FIP1L1: variants seen among roughly 807,000 people sequenced by gnomAD.
FIP1L1 encodes the protein pre-mRNA 3'-end-processing factor FIP1.
In FIP1L1, 21 loss-of-function variants were observed where a neutral mutation model predicts 84.6. That is an observed-to-expected ratio of 0.25 (90% CI 0.18 to 0.36). The LOEUF (loss-of-function observed/expected upper bound fraction) is 0.36. Ranked by LOEUF, FIP1L1 falls within the 10% of genes least tolerant of loss-of-function variation. The probability of loss-of-function intolerance (pLI) is 1.00; values close to 1 mark genes in which losing one functional copy is unlikely to be tolerated. For missense variants in FIP1L1, 526 were observed against 751.1 expected, an observed-to-expected ratio of 0.70 and a Z score of 3.50; for synonymous variants, 263 against 242.3, an observed-to-expected ratio of 1.09 and a Z score of -0.80.
chr4:53,378,578 G>A (rs1293447192), intron 1 of FIP1L1: 1 of 153,518 alleles, frequency 6.5e-6, no homozygotes, highest in Non-Finnish European at 1.4e-5. Context: ...CATCATGGAG[G>A]TATCTCATGA....
chr4:53,406,495 C>A (rs1285878631), intron 10 of FIP1L1, among the ~76,000 whole-genome samples: 1 of 152,166 alleles, frequency 6.6e-6, no homozygotes, highest in Non-Finnish European at 1.5e-5. Context: ...CTCTACCCGG[C>A]TTTGGTATCA....
chr4:53,427,351 C>A (rs1479402680), intron 12 of FIP1L1, among the ~76,000 whole-genome samples: 1 of 152,132 alleles, frequency 6.6e-6, no homozygotes, highest in African/African-American at 2.4e-5. Context: ...TGCCACTTTG[C>A]TTGTTTTATT....
intron 13 of FIP1L1, among the ~76,000 whole-genome samples, chr4:53,436,086 A>G (rs894095376): frequency 6.6e-6 from 1 of 152,194 alleles, no homozygotes; most frequent in African/African-American, 2.4e-5. Flanking sequence ...CGTAGTTTAC[A>G]TATTCTGCCA....
rs1309954935 is a variant in FIP1L1 at position 53,459,793 on chromosome 4, A to AATC, written c.*346_*348dup. On this transcript the variant is annotated 3_prime_UTR_variant, in exon 18 of 18. Coordinates refer to ENST00000337488, the MANE Select transcript of FIP1L1 (RefSeq NM_030917.4). ...CCACTTGGGCCACAGTTTTTTTGTTAATCAAACACCACTCTCTTAAGAGGC... is the reference window on the plus strand; with the variant it reads ...CCACTTGGGCCACAGTTTTTTTGTTAATCATCAAACACCACTCTCTTAAGAGGC... 5 of 318,468 alleles carry AATC rather than the reference A, an allele frequency of 1.6e-5. No individual in the cohort carries two copies. The highest frequency in any genetic ancestry group is 2.9e-5 in the Non-Finnish European group (5 of 170,510). 19.7% of individuals were successfully genotyped at this position (318,468 alleles called of 1,614,324 possible). A position where few individuals can be genotyped will look rare whatever the true frequency, so the allele number is the denominator to read the frequency against.
At chr4:53,381,293 G>C (rs1267721579) in intron 3 of FIP1L1, among the ~76,000 whole-genome samples, 5 of 152,160 alleles carry the variant, frequency 3.3e-5, no homozygotes, top group Admixed American at 6.5e-5. Flanking sequence ...CAAAGTTCCT[G>C]CTATTAGAAT....
At chr4:53,385,054 G>A (rs556207045) in intron 5 of FIP1L1, among the ~76,000 whole-genome samples, 2 of 152,120 alleles carry the variant, frequency 1.3e-5, no homozygotes, top group African/African-American at 4.8e-5. Context: ...CACCTTTTTA[G>A]GGAACAGAGT....
Position 53,459,526 on chromosome 4 carries a change from T to TAA in FIP1L1, c.*78_*79dup. On this transcript the variant is annotated 3_prime_UTR_variant, in exon 18 of 18. Coordinates refer to ENST00000337488, the MANE Select transcript of FIP1L1 (RefSeq NM_030917.4). Reference sequence around the variant, plus strand: ...TCTTGTTATTTTTCTGGATAATGTTTAAGAAATTTACCTTAAATCTTGTTC... The same window carrying TAA: ...TCTTGTTATTTTTCTGGATAATGTTTAAAAGAAATTTACCTTAAATCTTGTTC... 6.3e-7 allele frequency: 1 copy of TAA among 1,585,634 alleles called. No homozygotes were observed. The highest frequency in any genetic ancestry group is 2.2e-5 in the East Asian group (1 of 44,748).
chr4:53,400,413 C>T (rs1438558390), intron 10 of FIP1L1, among the ~76,000 whole-genome samples: 1 of 152,104 alleles, frequency 6.6e-6, no homozygotes, highest in East Asian at 1.9e-4. Flanking sequence ...CCTATTATGC[C>T]ATTACCAGGA....
At chr4:53,394,130 T>C (rs1169334773) in intron 9 of FIP1L1, among the ~76,000 whole-genome samples, 1 of 152,154 alleles carries the variant, frequency 6.6e-6, no homozygotes, top group Non-Finnish European at 1.5e-5. Flanking sequence ...TAGCATCTTA[T>C]TATTCATGCC....
Position 53,419,292 on chromosome 4 carries a change from C to A in FIP1L1, c.923+4570C>A, listed in dbSNP as rs373952223. On this transcript the variant is annotated intron_variant, in intron 11 of 17. Transcript: ENST00000337488. ...AAAATTGACATTTAAAAAATTCAGA[C>A]CCCAGAAAATTAGTATGATAAACAC... 3.9e-5 allele frequency among the ~76,000 whole-genome samples: 6 copies of A among 152,050 alleles called. No individual in the cohort carries two copies. In the East Asian group the frequency reaches 7.7e-4, roughly 20 times the overall value.
intron 11 of FIP1L1, among the ~76,000 whole-genome samples, chr4:53,423,544 T>C (rs1432413435): frequency 1.3e-5 from 2 of 152,254 alleles, no homozygotes; most frequent in Non-Finnish European, 2.9e-5. Flanking sequence ...TTTTAAATTA[T>C]TTGTCAGTGT....
At chr4:53,457,457 GATTCTAAAATTTTA>G (rs1719853453) in intron 16 of FIP1L1, among the ~76,000 whole-genome samples, 1 of 152,028 alleles carries the variant, frequency 6.6e-6, no homozygotes, top group African/African-American at 2.4e-5. Context: ...TTTTAAATAA[GATTCTAAAATTTTA>G]ATGTATCACA....
In FIP1L1 at chr4:53,453,120, A is replaced by T; in HGVS notation, c.1486A>T (p.Ser496Cys). The stretch of plus-strand genomic sequence containing the variant: ...GGAGCGTGATCACAGTCCTACACCA[A>T]GTGTTTTCAACAGGTTTGTTGGGTG... ...ERERDHSPTP[S>C]VFNSDEERYR... Residue 496 changes from serine to cysteine, a missense_variant, in exon 16 of 18, where the codon AGT (serine) becomes TGT (cysteine). Ser to Cys is a moderately radical substitution (Grantham distance 112). Coordinates refer to ENST00000337488, the MANE Select transcript of FIP1L1 (RefSeq NM_030917.4). The T allele has an allele frequency of 6.2e-7, 1 of 1,614,022 alleles. No individual in the cohort carries two copies. The highest frequency in any genetic ancestry group is 8.5e-7 in the Non-Finnish European group (1 of 1,179,958).
At chr4:53,413,547 G>A (rs1234506516) in intron 10 of FIP1L1, among the ~76,000 whole-genome samples, 2 of 151,286 alleles carry the variant, frequency 1.3e-5, no homozygotes, top group African/African-American at 2.4e-5. Context: ...CAATGAGAAC[G>A]TGGCTCCCAG....
intron 13 of FIP1L1, among the ~76,000 whole-genome samples, chr4:53,435,599 G>A (rs1768778476): frequency 6.6e-6 from 1 of 152,118 alleles, no homozygotes; most frequent in Non-Finnish European, 1.5e-5. Flanking sequence ...ATTTTATAGT[G>A]TATGTAAAAT....
At chr4:53,457,055 G>T in intron 16 of FIP1L1, among the ~76,000 whole-genome samples, 1 of 152,154 alleles carries the variant, frequency 6.6e-6, no homozygotes, top group East Asian at 1.9e-4. Context: ...AAAAAGTTCT[G>T]CTTCTGAAAA....
intron 10 of FIP1L1, among the ~76,000 whole-genome samples, chr4:53,400,695 C>G (rs189331952): frequency 6.6e-6 from 1 of 152,258 alleles, no homozygotes; most frequent in East Asian, 1.9e-4. Context: ...TCTAGTCTAG[C>G]TCTAAGATAA....
chr4:53,409,593 G>A (rs900573359), intron 10 of FIP1L1, among the ~76,000 whole-genome samples: 12 of 152,256 alleles, frequency 7.9e-5, no homozygotes, highest in Admixed American at 2.6e-4. Flanking sequence ...GCCCCCAGTA[G>A]TGGAGCCTAC....
At chr4:53,395,919 A>ATTTTTT (rs11400535) in intron 9 of FIP1L1, among the ~76,000 whole-genome samples, 1 of 147,814 alleles carries the variant, frequency 6.8e-6, no homozygotes, top group Non-Finnish European at 1.5e-5. Flanking sequence ...GTATTTTATG[A>ATTTTTT]TTTTTTTTTT....
Sources: allele counts gnomAD v4.1 joint callset (sites outside exome capture counted in the v4.1 genomes callset), GRCh38; gene constraint gnomAD v4.1.1; transcripts MANE v1.5; gene names NCBI Gene and HGNC (gene_info 2026-07-23, HGNC 2026-07-21).